The following CAMKMT variants were observed in gnomAD, a reference collection of about 807,000 sequenced individuals.
CAMKMT encodes the protein CaM KMT.
A neutral mutation model predicts 48.0 loss-of-function variants in CAMKMT; 53 were observed. That is an observed-to-expected ratio of 1.10 (90% CI 0.89 to 1.39). The LOEUF (loss-of-function observed/expected upper bound fraction) is 1.39, where lower values mean the gene tolerates loss of function less well. CAMKMT is among the 40% of genes most tolerant of loss of function. The pLI is 0.00. For missense variants in CAMKMT, 428 were observed against 402.7 expected, an observed-to-expected ratio of 1.06 and a Z score of -0.54; for synonymous variants, 165 against 152.3, an observed-to-expected ratio of 1.08 and a Z score of -0.61.
At chr2:44,698,966 T>C (rs1168797923) in intron 3 of CAMKMT, among the ~76,000 whole-genome samples, 1 of 152,232 alleles carries the variant, frequency 6.6e-6, no homozygotes, top group East Asian at 1.9e-4. Context: ...AGAAACTACC[T>C]TCTTTACCCG....
intron 3 of CAMKMT, among the ~76,000 whole-genome samples, chr2:44,461,597 T>G (rs568575783): frequency 6.6e-6 from 1 of 152,340 alleles, no homozygotes; most frequent in Non-Finnish European, 1.5e-5. Context: ...CTTGTTCACC[T>G]CTAACTCTGC....
intron 3 of CAMKMT, among the ~76,000 whole-genome samples, chr2:44,422,521 A>T (rs1684000585): frequency 6.6e-6 from 1 of 152,080 alleles, no homozygotes; most frequent in Admixed American, 6.5e-5. Context: ...TGTTGTATGG[A>T]TGCTCCTCTC....
chr2:44,378,517 C>A (rs1002234860), intron 2 of CAMKMT, among the ~76,000 whole-genome samples: 1 of 151,806 alleles, frequency 6.6e-6, no homozygotes, highest in African/African-American at 2.4e-5. Flanking sequence ...TGTTTTGAGA[C>A]AGAGTCTTGC....
chr2:44,704,194 A>G, intron 3 of CAMKMT, 89 bp from the exon 4 acceptor site: 2 of 882,624 alleles, frequency 2.3e-6, no homozygotes, highest in Non-Finnish European at 3.4e-6. Flanking sequence ...TTGAAGTTGA[A>G]ATAGCTTGTA....
intron 3 of CAMKMT, among the ~76,000 whole-genome samples, chr2:44,430,820 T>C (rs1684604225): frequency 6.6e-6 from 1 of 152,188 alleles, no homozygotes; most frequent in Non-Finnish European, 1.5e-5. Context: ...AAATGTAGCA[T>C]ATCCAGAAGC....
intron 3 of CAMKMT, among the ~76,000 whole-genome samples, chr2:44,592,059 G>A (rs1484001247): frequency 7.3e-6 from 1 of 137,884 alleles, no homozygotes; most frequent in East Asian, 2.1e-4. Context: ...TCTGGGGACT[G>A]TTGTGGGGTG....
chr2:44,510,872 G>A (rs540050165), intron 3 of CAMKMT, among the ~76,000 whole-genome samples: 1 of 151,648 alleles, frequency 6.6e-6, no homozygotes, highest in East Asian at 1.9e-4. Flanking sequence ...GTGGAGTCTT[G>A]CTGTGTTGCC....
chr2:44,640,838 T>C (rs1315186249), intron 3 of CAMKMT, among the ~76,000 whole-genome samples: 2 of 152,232 alleles, frequency 1.3e-5, no homozygotes, highest in African/African-American at 4.8e-5. Context: ...TATCTCAATG[T>C]TAATCCACCA....
chr2:44,680,740 T>C (rs1675969064), intron 3 of CAMKMT, among the ~76,000 whole-genome samples: 1 of 152,148 alleles, frequency 6.6e-6, no homozygotes, highest in African/African-American at 2.4e-5. Flanking sequence ...GGGATAATGG[T>C]TCTGATTGCT....
intron 3 of CAMKMT, among the ~76,000 whole-genome samples, chr2:44,556,461 T>TAAAGGATTAA (rs1668015635): frequency 2.5e-5 from 1 of 39,230 alleles, no homozygotes; most frequent in Non-Finnish European, 5.7e-5. Context: ...TTTTTTTTTT[T>TAAAGGATTAA]TTTTTTTTTT....
At chr2:44,512,390 A>C (rs1670610408) in intron 3 of CAMKMT, among the ~76,000 whole-genome samples, 1 of 152,252 alleles carries the variant, frequency 6.6e-6, no homozygotes, top group South Asian at 2.1e-4. Flanking sequence ...GGCATGTTGT[A>C]AGCATTAAAT....
At chr2:44,438,254 T>C (rs931592069) in intron 3 of CAMKMT, among the ~76,000 whole-genome samples, 6 of 152,244 alleles carry the variant, frequency 3.9e-5, no homozygotes, top group Non-Finnish European at 8.8e-5. Flanking sequence ...ATACTAGACT[T>C]GCATCTTCCT....
intron 3 of CAMKMT, among the ~76,000 whole-genome samples, chr2:44,584,462 AAC>A (rs891737599): frequency 1.3e-5 from 2 of 152,152 alleles, no homozygotes; most frequent in Non-Finnish European, 2.9e-5. Context: ...CACCTGAAAA[AAC>A]AGTTTCATTG....
At chr2:44,462,786 C>A (rs560545350) in intron 3 of CAMKMT, among the ~76,000 whole-genome samples, 1 of 152,132 alleles carries the variant, frequency 6.6e-6, no homozygotes, top group South Asian at 2.1e-4. Context: ...AAAAAAAATG[C>A]TTCTTAATTC....
At chr2:44,599,786 G>A (rs1208261940) in intron 3 of CAMKMT, among the ~76,000 whole-genome samples, 4 of 149,956 alleles carry the variant, frequency 2.7e-5, no homozygotes, top group Non-Finnish European at 5.9e-5. Context: ...TTTCTGAGAG[G>A]ATTTTATGTT....
intron 7 of CAMKMT, among the ~76,000 whole-genome samples, chr2:44,719,833 A>C (rs1678365675): frequency 6.6e-6 from 1 of 152,290 alleles, no homozygotes; most frequent in African/African-American, 2.4e-5. Flanking sequence ...TTGAAGAGGA[A>C]GGTTAGTAGA....
chr2:44,551,681 T>G (rs2103653721), intron 3 of CAMKMT, among the ~76,000 whole-genome samples: 1 of 152,262 alleles, frequency 6.6e-6, no homozygotes, highest in South Asian at 2.1e-4. Flanking sequence ...TGTCGAAAAC[T>G]CATGTCACTG....
chr2:44,420,396 T>G (rs1009478413), intron 3 of CAMKMT, among the ~76,000 whole-genome samples: 1 of 152,154 alleles, frequency 6.6e-6, no homozygotes, highest in Admixed American at 6.6e-5. Context: ...AGATAAATAA[T>G]AAAGTTGACT....
chr2:44,750,221 G>GC (rs1434172203), intron 8 of CAMKMT, among the ~76,000 whole-genome samples: 2 of 151,692 alleles, frequency 1.3e-5, no homozygotes, highest in East Asian at 3.9e-4. Flanking sequence ...CACGATCTCA[G>GC]CCCACTGCAG....
Sources: gnomAD v4.1 joint callset for allele counts (sites outside exome capture counted in the v4.1 genomes callset) on GRCh38, gnomAD v4.1.1 for gene constraint, MANE v1.5 for transcripts, NCBI Gene and HGNC (gene_info 2026-07-23, HGNC 2026-07-21) for gene names.